ARHGAP15: variants seen among roughly 807,000 people sequenced by gnomAD.
ARHGAP15 encodes rho GTPase-activating protein 15.
A neutral mutation model predicts 63.7 loss-of-function variants in ARHGAP15; 51 were observed. That is an observed-to-expected ratio of 0.80 (90% CI 0.64 to 1.01). The LOEUF is 1.01. ARHGAP15 is among the 50% of genes least tolerant of loss of function. The pLI is 0.00. For missense variants in ARHGAP15, 560 were observed against 564.6 expected (o/e 0.99, Z 0.08); for synonymous variants, 191 against 193.8 (o/e 0.99, Z 0.12).
At chr2:143,713,342 C>G (rs374030529) in intron 13 of ARHGAP15, among the ~76,000 whole-genome samples, 1 of 152,134 alleles carries the variant, frequency 6.6e-6, no homozygotes, top group Non-Finnish European at 1.5e-5. Context: ...AAGAATAGCA[C>G]GGGAATGACC....
intron 11 of ARHGAP15, among the ~76,000 whole-genome samples, chr2:143,599,784 C>T (rs1191318754): frequency 6.6e-6 from 1 of 152,112 alleles, no homozygotes. Context: ...ACACGGATCA[C>T]TTTTCTCTAA....
At chr2:143,417,785 A>C (rs1450784805) in intron 6 of ARHGAP15, among the ~76,000 whole-genome samples, 1 of 152,240 alleles carries the variant, frequency 6.6e-6, no homozygotes, top group Non-Finnish European at 1.5e-5. Flanking sequence ...GACATTATAA[A>C]GATGTAAAAG....
chr2:143,384,797 T>A (rs1483004948), intron 6 of ARHGAP15, among the ~76,000 whole-genome samples: 2 of 152,164 alleles, frequency 1.3e-5, no homozygotes, highest in African/African-American at 4.8e-5. Context: ...TATTTCTGCC[T>A]CTGCCTCTGA....
intron 12 of ARHGAP15, among the ~76,000 whole-genome samples, chr2:143,663,228 C>T (rs1238736185): frequency 7.0e-6 from 1 of 142,962 alleles, no homozygotes; most frequent in Non-Finnish European, 1.5e-5. Flanking sequence ...CGGCAGAAAC[C>T]CTACAAGCCA....
At chr2:143,176,447 A>T (rs1230907996) in intron 2 of ARHGAP15, among the ~76,000 whole-genome samples, 1 of 152,146 alleles carries the variant, frequency 6.6e-6, no homozygotes, top group Non-Finnish European at 1.5e-5. Flanking sequence ...ATTAATAATT[A>T]TATATCCTAA....
At chr2:143,161,828 GATGATTTGGGAA>G (rs1690311060) in intron 2 of ARHGAP15, among the ~76,000 whole-genome samples, 1 of 151,894 alleles carries the variant, frequency 6.6e-6, no homozygotes, top group African/African-American at 2.4e-5. Flanking sequence ...GAGAGCTGAG[GATGATTTGGGAA>G]ATGGTGTTGA....
chr2:143,328,925 G>C (rs1160408839), intron 6 of ARHGAP15, among the ~76,000 whole-genome samples: 2 of 152,204 alleles, frequency 1.3e-5, no homozygotes, highest in Non-Finnish European at 2.9e-5. Context: ...TTACATGCCT[G>C]TATCAAAATA....
chr2:143,370,208 G>A (rs1467744868), intron 6 of ARHGAP15, among the ~76,000 whole-genome samples: 4 of 152,102 alleles, frequency 2.6e-5, no homozygotes, highest in Admixed American at 2.6e-4. Flanking sequence ...TTAGCTCATG[G>A]TGTTTCTTTA....
At chr2:143,540,943 G>A (rs530760591) in intron 10 of ARHGAP15, among the ~76,000 whole-genome samples, 1 of 152,174 alleles carries the variant, frequency 6.6e-6, no homozygotes, top group Non-Finnish European at 1.5e-5. Flanking sequence ...GATTGGGGAA[G>A]TTCTCCTGGA....
At chr2:143,718,281 A>AT in intron 13 of ARHGAP15, among the ~76,000 whole-genome samples, 1 of 152,316 alleles carries the variant, frequency 6.6e-6, no homozygotes, top group African/African-American at 2.4e-5. Flanking sequence ...GAAGCAGTAC[A>AT]TAACTAGAAC....
chr2:143,673,756 G>GTGTGTGTATATATA (rs1682668589), intron 12 of ARHGAP15, among the ~76,000 whole-genome samples: 3 of 30,988 alleles, frequency 9.7e-5, no homozygotes, highest in African/African-American at 2.1e-4. Flanking sequence ...GTGTGTGTGT[G>GTGTGTGTATATATA]TGTATATATA....
chr2:143,373,949 G>A (rs553721032), intron 6 of ARHGAP15, among the ~76,000 whole-genome samples: 1 of 152,208 alleles, frequency 6.6e-6, no homozygotes, highest in Non-Finnish European at 1.5e-5. Context: ...TGTGGACCTA[G>A]CAAACCTGCA....
intron 11 of ARHGAP15, among the ~76,000 whole-genome samples, chr2:143,602,493 G>T (rs1314552913): frequency 6.6e-6 from 1 of 152,120 alleles, no homozygotes; most frequent in East Asian, 1.9e-4. Flanking sequence ...GTTTTTGTTT[G>T]TTTGCTTGTT....
chr2:143,713,680 A>C (rs1271918826), intron 13 of ARHGAP15, among the ~76,000 whole-genome samples: 2 of 147,308 alleles, frequency 1.4e-5, no homozygotes, highest in Non-Finnish European at 3.0e-5. Context: ...GGTATTGAGT[A>C]AATAGAGCCA....
chr2:143,565,352 C>A (rs1483946643), intron 11 of ARHGAP15, among the ~76,000 whole-genome samples: 1 of 152,070 alleles, frequency 6.6e-6, no homozygotes, highest in Non-Finnish European at 1.5e-5. Context: ...TAATAAATAA[C>A]CCCCAAATGC....
At chr2:143,690,709 A>G (rs79305429) in intron 12 of ARHGAP15, among the ~76,000 whole-genome samples, 26 of 152,184 alleles carry the variant, frequency 1.7e-4, no homozygotes, top group African/African-American at 2.6e-4. Context: ...TACATCATAG[A>G]AAAAAAAGTT....
chr2:143,512,856 C>T (rs534260606), intron 9 of ARHGAP15, among the ~76,000 whole-genome samples: 43 of 152,322 alleles, frequency 2.8e-4, no homozygotes, highest in Admixed American at 1.8e-3. Flanking sequence ...CGCTCATCTG[C>T]GGCACATAAG....
At chr2:143,381,299 G>T (rs906233292) in intron 6 of ARHGAP15, among the ~76,000 whole-genome samples, 1 of 151,962 alleles carries the variant, frequency 6.6e-6, no homozygotes, top group Non-Finnish European at 1.5e-5. Context: ...ATGCATTCCC[G>T]CCAGCTTTGA....
chr2:143,427,837 T>C (rs1689198232), intron 6 of ARHGAP15, among the ~76,000 whole-genome samples: 1 of 152,172 alleles, frequency 6.6e-6, no homozygotes, highest in South Asian at 2.1e-4. Context: ...AAGAATGCAA[T>C]TGTATTGCAG....
Sources: gnomAD v4.1 joint callset for allele counts (sites outside exome capture counted in the v4.1 genomes callset) on GRCh38, gnomAD v4.1.1 for gene constraint, MANE v1.5 for transcripts, NCBI Gene and HGNC (gene_info 2026-07-23, HGNC 2026-07-21) for gene names.